The following TBC1D30 variants were observed in gnomAD, a reference collection of about 807,000 sequenced individuals.
TBC1D30 encodes TBC1 domain family member 30, also known as TBC1 domain family, member 30.
A neutral mutation model predicts 63.2 loss-of-function variants in TBC1D30; 31 were observed. The observed-to-expected ratio is 0.49, with a 90% CI of 0.37 to 0.66. The LOEUF (loss-of-function observed/expected upper bound fraction) is 0.66. Ranked by LOEUF, TBC1D30 falls within the 30% of genes least tolerant of loss-of-function variation. The probability of loss-of-function intolerance (pLI) is 0.00; values close to 1 mark genes in which losing one functional copy is unlikely to be tolerated. For missense variants in TBC1D30, 810 were observed against 953.6 expected, an observed-to-expected ratio of 0.85 and a Z score of 1.98; for synonymous variants, 307 against 361.5, an observed-to-expected ratio of 0.85 and a Z score of 1.71.
intron 1 of TBC1D30, among the ~76,000 whole-genome samples, chr12:64,783,327 A>G (rs1254224880): frequency 6.6e-6 from 1 of 152,220 alleles, no homozygotes. Flanking sequence ...ACCTTGGACA[A>G]GCTATTTAAC....
chr12:64,826,100 G>A (rs1208600412), intron 1 of TBC1D30, among the ~76,000 whole-genome samples: 1 of 151,266 alleles, frequency 6.6e-6, no homozygotes, highest in Non-Finnish European at 1.5e-5. Context: ...TCCTTCCCAC[G>A]TTAAAAGTAA....
At chr12:64,807,668 C>T (rs913142454) in intron 2 of TBC1D30, among the ~76,000 whole-genome samples, 19 of 152,116 alleles carry the variant, frequency 1.2e-4, no homozygotes, top group Non-Finnish European at 2.6e-4. Flanking sequence ...CCAAACTAAT[C>T]GTGGATCAAA....
At chr12:64,847,649 CAA>C (rs1198142232) in intron 8 of TBC1D30, among the ~76,000 whole-genome samples, 5 of 148,728 alleles carry the variant, frequency 3.4e-5, no homozygotes, top group African/African-American at 9.8e-5. Flanking sequence ...ACTGGTCACT[CAA>C]GAGCATATTG....
chr12:64,845,497 C>T (rs904188657), intron 8 of TBC1D30, among the ~76,000 whole-genome samples: 28 of 151,982 alleles, frequency 1.8e-4, no homozygotes, highest in East Asian at 1.9e-4. Flanking sequence ...GAGGCTGAGG[C>T]GGGCAGATCA....
chr12:64,788,497 G>A (rs966832437), intron 2 of TBC1D30, among the ~76,000 whole-genome samples: 1 of 152,100 alleles, frequency 6.6e-6, no homozygotes, highest in African/African-American at 2.4e-5. Flanking sequence ...GAGATAGAGA[G>A]GTATATCAGG....
At chr12:64,820,399 C>G (rs906009086), upstream of TBC1D30, among the ~76,000 whole-genome samples, 1 of 152,174 alleles carries the variant, frequency 6.6e-6, no homozygotes, top group Admixed American at 6.5e-5. Flanking sequence ...AGCCTGGGAG[C>G]TCACATCTGT....
In TBC1D30 at chr12:64,770,655, C is replaced by T. The variant is rs948598834; in HGVS notation, c.-376+11006C>T. ...TTGGCATAATTCCACTTCTCATGCA[C>T]GTGGCCATTGTCCCATATGACTGCA... On this transcript the variant is annotated intron_variant, in intron 1 of 13. Coordinates refer to the TBC1D30 transcript ENST00000674237. 2.6e-5 allele frequency among the ~76,000 whole-genome samples: 4 copies of T among 152,038 alleles called. No homozygotes were observed. In the East Asian group the frequency reaches 7.7e-4, roughly 29 times the overall value.
At chr12:64,769,891 A>G (rs1870844440) in intron 1 of TBC1D30, among the ~76,000 whole-genome samples, 1 of 152,224 alleles carries the variant, frequency 6.6e-6, no homozygotes, top group Non-Finnish European at 1.5e-5. Flanking sequence ...TTTAATGTAA[A>G]GTATAAATTG....
chr12:64,765,461 T>C (rs1244797), intron 1 of TBC1D30, among the ~76,000 whole-genome samples: 91,973 of 131,652 alleles, frequency 0.7, 32,903 homozygotes, highest in African/African-American at 0.9. Flanking sequence ...TACACTCCAG[T>C]AGCCTGGGCG....
At chr12:64,800,305 T>C (rs896153565) in intron 2 of TBC1D30, among the ~76,000 whole-genome samples, 1 of 152,164 alleles carries the variant, frequency 6.6e-6, no homozygotes, top group African/African-American at 2.4e-5. Context: ...GACTGGAGTT[T>C]AGATTGTGTG....
chr12:64,827,887 T>C lies in TBC1D30; in HGVS notation c.207T>C (p.Gly69=), dbSNP rs995619510. ...FTLEPSLGQN[G]FQQWYDALKA... ...TTGAGCCATCTTTAGGTCAAAATGG[T>C]TTTCAGCAGGTAACTTTGATTTTGA... The change falls in exon 2 of 12, where the codon GGT becomes GGC. Residue 69 remains glycine, a synonymous_variant. Transcript: ENST00000539867. 1 of 1,534,300 alleles carries C rather than the reference T, an allele frequency of 6.5e-7. No individual in the cohort carries two copies. The highest frequency in any genetic ancestry group is 8.7e-7 in the Non-Finnish European group (1 of 1,146,078).
At chr12:64,858,726 A>G (rs1348958373) in intron 8 of TBC1D30, among the ~76,000 whole-genome samples, 1 of 152,202 alleles carries the variant, frequency 6.6e-6, no homozygotes, top group African/African-American at 2.4e-5. Context: ...TATGCTGTAT[A>G]TTAACTTCTC....
chr12:64,769,400 C>T (rs1462830850), intron 1 of TBC1D30, among the ~76,000 whole-genome samples: 11 of 149,894 alleles, frequency 7.3e-5, no homozygotes, highest in South Asian at 6.3e-4. Context: ...TTTTTTGAGA[C>T]GGAGTCTTGC....
chr12:64,812,910 G>C (rs1873299199), intron 2 of TBC1D30, among the ~76,000 whole-genome samples: 1 of 152,096 alleles, frequency 6.6e-6, no homozygotes. Flanking sequence ...TCAAGATGCT[G>C]AAAAATTGGA....
Position 64,832,316 on chromosome 12 carries a change from G to T in TBC1D30, c.594+12G>T, listed in dbSNP as rs1445844208. On this transcript the variant is annotated intron_variant, in intron 5 of 11. Coordinates refer to ENST00000539867, the MANE Select transcript of TBC1D30 (RefSeq NM_015279.2). ...GGGATGCCCTGAAAGTGAGTAGCAGGCTCTGACAAAGGCCATGGACATTCT... is the reference window on the plus strand; with the variant it reads ...GGGATGCCCTGAAAGTGAGTAGCAGTCTCTGACAAAGGCCATGGACATTCT... 6.5e-7 allele frequency: 1 copy of T among 1,533,716 alleles called. No individual in the cohort carries two copies. The highest frequency in any genetic ancestry group is 2.0e-5 in the Admixed American group (1 of 50,940).
At chr12:64,830,525 G>A in intron 4 of TBC1D30, 23 bp downstream of exon 4, 5 of 1,514,432 alleles carry the variant, frequency 3.3e-6, no homozygotes, top group Non-Finnish European at 4.4e-6. Context: ...AACTTGGCCT[G>A]TCATCCTAAT....
At chr12:64,865,176 G>T (rs1000286636) in intron 9 of TBC1D30, among the ~76,000 whole-genome samples, 1 of 150,402 alleles carries the variant, frequency 6.6e-6, no homozygotes, top group Middle Eastern at 3.4e-3. Flanking sequence ...ATGGTGAAAA[G>T]TTATACTGTT....
chr12:64,785,985 A>T lies in TBC1D30; in HGVS notation c.583A>T (p.Lys195Ter). The change falls in exon 2 of 13, where the codon AAA becomes TAA. Residue 195 changes from lysine to a stop codon, truncating the protein, a stop_gained. Coordinates refer to the TBC1D30 transcript ENST00000542120. LOFTEE classifies it high-confidence loss of function. The stretch of plus-strand genomic sequence containing the variant: ...GAAGCAGAAAGATAGGCTTCTGCAT[A>T]AAGTGCAGAGGAACTGTGATATTGT... 2 of 1,289,816 alleles carry T rather than the reference A, an allele frequency of 1.6e-6. No individual in the cohort carries two copies. Among genetic ancestry groups the T allele is most frequent in the Non-Finnish European group, 2.0e-6 (2 of 988,824 alleles). 79.9% of individuals were successfully genotyped at this position (1,289,816 alleles called of 1,614,324 possible).
intron 2 of TBC1D30, among the ~76,000 whole-genome samples, chr12:64,798,053 C>A (rs984346365): frequency 6.6e-6 from 1 of 152,172 alleles, no homozygotes; most frequent in African/African-American, 2.4e-5. Flanking sequence ...ATTGGCCCTA[C>A]TTACCTCTTA....
Sources: allele counts gnomAD v4.1 joint callset (sites outside exome capture counted in the v4.1 genomes callset), GRCh38; gene constraint gnomAD v4.1.1; transcripts MANE v1.5; gene names NCBI Gene and HGNC (gene_info 2026-07-23, HGNC 2026-07-21).